The following SNX3 variants were observed in gnomAD, a reference collection of about 807,000 sequenced individuals.
The protein encoded by SNX3 is sorting nexin 3.
Under a neutral mutation model 17.7 loss-of-function variants are expected in SNX3, and 5 were observed. That is an observed-to-expected ratio of 0.28 (90% CI 0.15 to 0.59). SNX3 has a LOEUF of 0.59. Among genes scored for constraint, SNX3 ranks in the 20% least tolerant of loss-of-function variants. The pLI is 0.88. For synonymous variants in SNX3, 91 were observed against 76.5 expected, an observed-to-expected ratio of 1.19 and a Z score of -0.99; for missense variants, 132 against 206.8, an observed-to-expected ratio of 0.64 and a Z score of 2.22.
intron 1 of SNX3, among the ~76,000 whole-genome samples, chr6:108,248,325 A>G (rs76388406): frequency 0.047 from 7,109 of 152,348 alleles, 269 homozygotes; most frequent in South Asian, 0.18. Context: ...TGTCTGGAAT[A>G]TAACAGACAG....
chr6:108,225,903 T>C (rs1159829824), intron 1 of SNX3, among the ~76,000 whole-genome samples: 1 of 151,528 alleles, frequency 6.6e-6, no homozygotes, highest in Non-Finnish European at 1.5e-5. Context: ...TATGGTGGCA[T>C]GTGCCTGTAG....
At chr6:108,260,636 C>A in intron 1 of SNX3, 124 bp downstream of exon 1, 1 of 1,112,318 alleles carries the variant, frequency 9.0e-7, no homozygotes, top group Non-Finnish European at 1.3e-6. Context: ...CCCCGGCCCG[C>A]CTCTGCAAGG....
In SNX3 at chr6:108,211,879, A is replaced by C. The variant is rs1253749308; in HGVS notation, c.*270T>G. 1 of 262,226 alleles carries C rather than the reference A, an allele frequency of 3.8e-6. No individual in the cohort carries two copies. The highest frequency in any genetic ancestry group is 7.1e-6 in the Non-Finnish European group (1 of 139,884). The allele number at this position is 262,226 out of a possible 1,614,324, so 16.2% of individuals were successfully genotyped here. A position where few individuals can be genotyped will look rare whatever the true frequency, so the allele number is the denominator to read the frequency against. On this transcript the variant is annotated 3_prime_UTR_variant, in exon 4 of 4. Coordinates refer to ENST00000230085, the MANE Select transcript of SNX3 (RefSeq NM_003795.6). ...CTTTAGTTACGACACTGCAGATTAC[A>C]CTGGAATAACAGGTTTGTGAGGCTA...
intron 3 of SNX3, among the ~76,000 whole-genome samples, chr6:108,212,979 C>T (rs2114701225): frequency 6.6e-6 from 1 of 150,848 alleles, no homozygotes; most frequent in South Asian, 2.1e-4. Context: ...CCTCTGTCTC[C>T]CAGGTTCAAG....
intron 1 of SNX3, among the ~76,000 whole-genome samples, chr6:108,229,979 T>C (rs1008709383): frequency 6.6e-6 from 1 of 152,176 alleles, no homozygotes; most frequent in South Asian, 2.1e-4. Flanking sequence ...ATGAGCTGCA[T>C]GTAGCATTAA....
At chr6:108,241,675 G>A (rs1465481416) in intron 1 of SNX3, among the ~76,000 whole-genome samples, 1 of 152,030 alleles carries the variant, frequency 6.6e-6, no homozygotes, top group Admixed American at 6.6e-5. Flanking sequence ...ATGTGGGCAA[G>A]TCCCTAAAAA....
chr6:108,243,979 G>A (rs1414589778), intron 1 of SNX3, among the ~76,000 whole-genome samples: 1 of 152,098 alleles, frequency 6.6e-6, no homozygotes, highest in Admixed American at 6.6e-5. Flanking sequence ...TACATACCCT[G>A]CAAATACTCA....
intron 2 of SNX3, among the ~76,000 whole-genome samples, chr6:108,220,823 T>C (rs1336358824): frequency 1.3e-5 from 2 of 151,420 alleles, no homozygotes; most frequent in East Asian, 3.9e-4. Flanking sequence ...ACTAAAAATA[T>C]AAAAAAAATT....
chr6:108,240,228 T>G (rs921171882), intron 1 of SNX3, among the ~76,000 whole-genome samples: 1 of 152,186 alleles, frequency 6.6e-6, no homozygotes, highest in Non-Finnish European at 1.5e-5. Flanking sequence ...GTTTTTGTTT[T>G]TGTTTTTGAG....
chr6:108,220,786 T>G (rs771993861), intron 2 of SNX3, among the ~76,000 whole-genome samples: 12 of 152,054 alleles, frequency 7.9e-5, no homozygotes, highest in Non-Finnish European at 1.6e-4. Context: ...GAGACCAGCC[T>G]GGCCAACATG....
rs1271593315 is a variant in SNX3 at position 108,252,975 on chromosome 6, C to A, written c.162+7785G>T. 2.0e-5 allele frequency among the ~76,000 whole-genome samples: 3 copies of A among 152,110 alleles called. No individual in the cohort carries two copies. In the South Asian group the frequency reaches 6.2e-4, roughly 32 times the overall value. The stretch of plus-strand genomic sequence containing the variant: ...TTCTGGAAAAAAGAAAATAGCAGTT[C>A]CAAGATTTTTTTGGACACCATCTTT... On this transcript the variant is annotated intron_variant, in intron 1 of 3. Coordinates refer to ENST00000230085, the MANE Select transcript of SNX3 (RefSeq NM_003795.6).
chr6:108,247,301 T>C (rs1036990256), intron 1 of SNX3, among the ~76,000 whole-genome samples: 1 of 152,040 alleles, frequency 6.6e-6, no homozygotes, highest in Non-Finnish European at 1.5e-5. Flanking sequence ...AGTGTGAAAA[T>C]GGAGTAAGAC....
At chr6:108,238,461 A>C (rs867862621) in intron 1 of SNX3, among the ~76,000 whole-genome samples, 1 of 152,108 alleles carries the variant, frequency 6.6e-6, no homozygotes, top group Non-Finnish European at 1.5e-5. Flanking sequence ...TTACACCACT[A>C]CATATCAAAA....
At chr6:108,244,335 G>C (rs1775617814) in intron 1 of SNX3, among the ~76,000 whole-genome samples, 1 of 151,992 alleles carries the variant, frequency 6.6e-6, no homozygotes, top group Admixed American at 6.6e-5. Context: ...TTTATTTTTT[G>C]TAGAGAGGAG....
At chr6:108,213,513 A>G (rs949966675) in intron 3 of SNX3, among the ~76,000 whole-genome samples, 1 of 151,994 alleles carries the variant, frequency 6.6e-6, no homozygotes, top group African/African-American at 2.4e-5. Flanking sequence ...TAAGCCAGAC[A>G]CGATGGTGCG....
At chr6:108,253,021 T>C (rs958430172) in intron 1 of SNX3, among the ~76,000 whole-genome samples, 3 of 152,288 alleles carry the variant, frequency 2.0e-5, no homozygotes, top group South Asian at 2.1e-4. Context: ...GTTCAAGAAA[T>C]TGCTGGCTCT....
intron 1 of SNX3, among the ~76,000 whole-genome samples, chr6:108,246,654 G>T (rs1265859882): frequency 4.0e-5 from 6 of 151,280 alleles, no homozygotes; most frequent in African/African-American, 1.5e-4. Context: ...TCTTAAAATT[G>T]TATTTTTTTT....
At chr6:108,229,979 T>G (rs1008709383) in intron 1 of SNX3, among the ~76,000 whole-genome samples, 2 of 152,176 alleles carry the variant, frequency 1.3e-5, no homozygotes, top group African/African-American at 2.4e-5. Context: ...ATGAGCTGCA[T>G]GTAGCATTAA....
Position 108,218,460 on chromosome 6 carries a change from C to G in SNX3, c.259-3838G>C, listed in dbSNP as rs112823662. Among the ~76,000 whole-genome samples, 321 of 152,290 alleles carry G rather than the reference C, an allele frequency of 2.1e-3. 4 individuals are homozygous for G. The highest frequency in any genetic ancestry group is 7.1e-3 in the African/African-American group (296 of 41,542). On this transcript the variant is annotated intron_variant, in intron 2 of 3. Transcript: ENST00000230085. ...AAATTACACAGCTGCTTTGGAAAAA[C>G]GGTCTGCCAATTCCTCAAAAGGTTA... is the stretch of plus-strand genomic sequence containing the variant.
Sources: allele counts gnomAD v4.1 joint callset (sites outside exome capture counted in the v4.1 genomes callset), GRCh38; gene constraint gnomAD v4.1.1; transcripts MANE v1.5; gene names NCBI Gene and HGNC (gene_info 2026-07-23, HGNC 2026-07-21).